SYK: variants seen among roughly 807,000 people sequenced by gnomAD.
SYK encodes spleen associated tyrosine kinase, also known as tyrosine-protein kinase SYK.
In SYK, 16 loss-of-function variants were observed where a neutral mutation model predicts 77.8. The ratio of observed to expected loss-of-function variants is 0.21; its 90% confidence interval spans 0.14 to 0.31. SYK has a LOEUF of 0.31. Among genes scored for constraint, SYK ranks in the 10% least tolerant of loss-of-function variants. The pLI is 1.00. For missense variants in SYK, 529 were observed against 814.4 expected (o/e 0.65, Z 4.26); for synonymous variants, 312 against 308.7 (o/e 1.01, Z -0.11).
intron 3 of SYK, among the ~76,000 whole-genome samples, chr9:90,859,277 C>T (rs1050209321): frequency 1.3e-5 from 2 of 152,196 alleles, no homozygotes; most frequent in African/African-American, 2.4e-5. Flanking sequence ...GTGTTCATCA[C>T]GCCCTTGCTT....
At position 90,895,401 on chromosome 9, in the gene SYK, G is replaced by A. The variant is rs559995172; in HGVS notation, c.1836-127G>A. The stretch of plus-strand genomic sequence containing the variant: ...GGGGGGCACAGGGACCACGCTGTGA[G>A]CTGCAGGCCCTAGAGTTAGCCACCA... On this transcript the variant is annotated intron_variant, in intron 13 of 13. Transcript: ENST00000375754. The surrounding 1 kb of genome is among the most constrained non-coding windows in gnomAD (Gnocchi z 4.4). 1.7e-4 allele frequency: 154 copies of A among 918,966 alleles called. No individual in the cohort carries two copies. The highest frequency in any genetic ancestry group is 7.4e-4 in the Middle Eastern group (3 of 4,028). 56.9% of individuals were successfully genotyped at this position (918,966 alleles called of 1,614,324 possible).
chr9:90,842,666 G>T (rs1267787468), intron 1 of SYK, among the ~76,000 whole-genome samples: 1 of 151,318 alleles, frequency 6.6e-6, no homozygotes, highest in Non-Finnish European at 1.5e-5. Flanking sequence ...TGTGCATAGT[G>T]TGCATGTAGT....
intron 1 of SYK, among the ~76,000 whole-genome samples, chr9:90,805,720 G>A (rs535086249): frequency 5.9e-5 from 9 of 152,258 alleles, no homozygotes; most frequent in African/African-American, 1.7e-4. Context: ...ATCAGTTCCT[G>A]TTGAGTTGAC....
chr9:90,870,240 G>T (rs1164790426), intron 7 of SYK, among the ~76,000 whole-genome samples: 1 of 152,160 alleles, frequency 6.6e-6, no homozygotes, highest in Non-Finnish European at 1.5e-5. Context: ...TTCTTTCTCT[G>T]CTGCTTTAAG....
In SYK at chr9:90,844,188, A is replaced by T. The variant is rs200223184; in HGVS notation, c.290A>T (p.Asp97Val). ...TGCCACTACCACTCCCAGGAGTCTG[A>T]TGGCCTGGTCTGCCTCCTCAAGAAG... ...DLCHYHSQES[D>V]GLVCLLKKPF... Residue 97 changes from aspartate (D) to valine (V), a missense_variant, in exon 2 of 14, where the codon GAT becomes GTT. Asp to Val is a radical substitution (Grantham distance 152, BLOSUM62 -3). Around this residue, in one of 2 missense-constraint regions of SYK, gnomAD observed 321 missense variants for 433.1 expected, o/e 0.74. Coordinates refer to ENST00000375754, the MANE Select transcript of SYK (RefSeq NM_003177.7). The T allele has an allele frequency of 6.2e-7, 1 of 1,614,216 alleles. No homozygotes were observed. The highest frequency in any genetic ancestry group is 8.5e-7 in the Non-Finnish European group (1 of 1,180,016).
rs1378764958 is a variant in SYK at position 90,898,139 on chromosome 9, G to C, written c.*2539G>C. On this transcript the variant is annotated 3_prime_UTR_variant, in exon 14 of 14. Coordinates refer to ENST00000375754, the MANE Select transcript of SYK (RefSeq NM_003177.7). ...GGTCCTTCTTTAGCAGGTAACAAAG[G>C]AGCATCAGGGGCAGGCTGCCCTGGT... is the stretch of plus-strand genomic sequence containing the variant. 2 of 229,656 alleles carry C rather than the reference G, an allele frequency of 8.7e-6. No homozygotes were observed. The highest frequency in any genetic ancestry group is 1.7e-5 in the Non-Finnish European group (2 of 115,856). 14.2% of individuals were successfully genotyped at this position (229,656 alleles called of 1,614,324 possible).
At chr9:90,806,759 G>A (rs1294631694) in intron 1 of SYK, among the ~76,000 whole-genome samples, 1 of 152,208 alleles carries the variant, frequency 6.6e-6, no homozygotes, top group Non-Finnish European at 1.5e-5. Context: ...CCATCAGGGT[G>A]CATTCTGAAT....
At chr9:90,836,116 G>A (rs1043039989) in intron 1 of SYK, among the ~76,000 whole-genome samples, 6 of 151,936 alleles carry the variant, frequency 3.9e-5, no homozygotes, top group South Asian at 4.1e-4. Context: ...GTGAAACCCC[G>A]TCTCTACTAA....
chr9:90,833,812 T>G (rs1246740723), intron 1 of SYK, among the ~76,000 whole-genome samples: 1 of 152,188 alleles, frequency 6.6e-6, no homozygotes, highest in Non-Finnish European at 1.5e-5. Context: ...GGAAATGGAC[T>G]ATGGAAGTCT....
At chr9:90,858,964 G>A (rs554338710) in intron 3 of SYK, among the ~76,000 whole-genome samples, 58 of 152,314 alleles carry the variant, frequency 3.8e-4, no homozygotes, top group Non-Finnish European at 2.9e-5. Context: ...AGAGCCTCAA[G>A]GAAGTGAGGC....
intron 5 of SYK, 66 bp downstream of exon 5, chr9:90,864,733 CTT>C: frequency 2.1e-6 from 3 of 1,435,878 alleles, no homozygotes; most frequent in African/African-American, 1.4e-5. Context: ...TCATTTTAGA[CTT>C]AGCTGATTGC....
chr9:90,843,606 C>G (rs1826457278), intron 1 of SYK, among the ~76,000 whole-genome samples: 1 of 152,074 alleles, frequency 6.6e-6, no homozygotes, highest in African/African-American at 2.4e-5. Context: ...CCCACTCCCC[C>G]CAAAAAAGAA....
Position 90,884,923 on chromosome 9 carries a change from ATACATATG to A in SYK, c.1582-2825_1582-2818del, listed in dbSNP as rs1828495717. Among the ~76,000 whole-genome samples, 7 of 142,892 alleles carry A rather than the reference ATACATATG, an allele frequency of 4.9e-5. 3 individuals carry two copies. The highest frequency in any genetic ancestry group is 7.6e-5 in the Non-Finnish European group (5 of 66,026). 93.7% of individuals were successfully genotyped at this position (142,892 alleles called of 152,430 possible). A position where few individuals can be genotyped will look rare whatever the true frequency, so the allele number is the denominator to read the frequency against. On this transcript the variant is annotated intron_variant, in intron 11 of 13. Coordinates refer to ENST00000375754, the MANE Select transcript of SYK (RefSeq NM_003177.7). ...CACATATGTGTATATATACATATATATACATATGCACATATGTGTATATATATACACAC... is the reference window on the plus strand; with the variant it reads ...CACATATGTGTATATATACATATATACACATATGTGTATATATATACACAC...
chr9:90,842,758 AGTGTGTGTGTGTGTGTGTGTGT>A (rs60139969), intron 1 of SYK, among the ~76,000 whole-genome samples: 1 of 58,350 alleles, frequency 1.7e-5, no homozygotes, highest in Non-Finnish European at 3.9e-5. Context: ...GTATGGAGAG[AGTGTGTGTGTGTGTGTGTGTGT>A]GTGTGTGTGT....
chr9:90,834,598 TA>T lies in SYK; in HGVS notation c.-41-9259del, dbSNP rs1052362609. Among the ~76,000 whole-genome samples, 68 of 152,204 alleles carry T rather than the reference TA, an allele frequency of 4.5e-4. 1 individual carries two copies. The highest frequency in any genetic ancestry group is 7.1e-4 in the Non-Finnish European group (48 of 68,026). On this transcript the variant is annotated intron_variant, in intron 1 of 13. Coordinates refer to ENST00000375754, the MANE Select transcript of SYK (RefSeq NM_003177.7). ...TTGGCAATGATGTTAACAAATTAAA[TA>T]GGGGAATATTTGTTCATCTAATTTA...
intron 3 of SYK, among the ~76,000 whole-genome samples, chr9:90,857,260 C>A (rs1827073015): frequency 2.0e-5 from 3 of 152,154 alleles, no homozygotes; most frequent in Non-Finnish European, 4.4e-5. Context: ...CAAAGTATGC[C>A]ATTTTATTTG....
At chr9:90,851,868 A>T (rs966744208) in intron 3 of SYK, among the ~76,000 whole-genome samples, 7 of 152,190 alleles carry the variant, frequency 4.6e-5, no homozygotes, top group African/African-American at 7.2e-5. Flanking sequence ...TTATTTTTTT[A>T]AAAATATAAA....
intron 9 of SYK, among the ~76,000 whole-genome samples, chr9:90,876,136 A>T (rs2118878713): frequency 6.6e-6 from 1 of 152,148 alleles, no homozygotes; most frequent in African/African-American, 2.4e-5. Flanking sequence ...AAATACAAAA[A>T]ATTAGCTGGG....
chr9:90,829,968 G>A (rs140163191), intron 1 of SYK, among the ~76,000 whole-genome samples: 24 of 152,306 alleles, frequency 1.6e-4, no homozygotes, highest in African/African-American at 5.8e-4. Flanking sequence ...AATCTTTTAA[G>A]TTCTGAAGGC....
Sources: allele counts gnomAD v4.1 joint callset (sites outside exome capture counted in the v4.1 genomes callset), GRCh38; gene constraint gnomAD v4.1.1; regional missense constraint gnomAD v4.1.1; non-coding constraint Gnocchi (gnomAD v3.1); transcripts MANE v1.5; gene names NCBI Gene and HGNC (gene_info 2026-07-23, HGNC 2026-07-21).